Variants in GIT1 observed in about 807,000 individuals in gnomAD.
GIT1 encodes the protein ARF GTPase-activating protein GIT1.
GIT1 carries 14 observed loss-of-function variants against 91.7 expected under a neutral mutation model. The ratio of observed to expected loss-of-function variants is 0.15; its 90% CI spans 0.10 to 0.24. The LOEUF (loss-of-function observed/expected upper bound fraction) is 0.24, where lower values mean the gene tolerates loss of function less well. Among genes scored for constraint, GIT1 ranks in the 10% least tolerant of loss-of-function variants. GIT1 has a pLI of 1.00. For synonymous variants in GIT1, 414 were observed against 418.2 expected (o/e 0.99, Z 0.12); for missense variants, 717 against 1,024.9 (o/e 0.70, Z 4.10).
chr17:29,576,177 C>T, intron 14 of GIT1, 43 bp downstream of exon 14: 1 of 1,608,334 alleles, frequency 6.2e-7, no homozygotes, highest in Non-Finnish European at 8.5e-7. Context: ...CCTGCGGCAG[C>T]CCCACCCATC....
At chr17:29,585,857 C>T (rs2033577313) in intron 1 of GIT1, among the ~76,000 whole-genome samples, 2 of 152,188 alleles carry the variant, frequency 1.3e-5, no homozygotes, top group African/African-American at 4.8e-5. Context: ...TCTGGCTCCA[C>T]CGGCAGGGTA....
At chr17:29,585,799 G>A (rs1314804015) in intron 1 of GIT1, among the ~76,000 whole-genome samples, 25 of 152,174 alleles carry the variant, frequency 1.6e-4, no homozygotes, top group Admixed American at 1.4e-3. Context: ...AACCTGGGAC[G>A]GAAAGGACAG....
At chr17:29,576,472 A>G (rs1567769564) in intron 13 of GIT1, 22 bp from the exon 14 acceptor site, 2 of 1,612,826 alleles carry the variant, frequency 1.2e-6, no homozygotes, top group East Asian at 2.2e-5. Flanking sequence ...AAGTGCTGTC[A>G]ACCCCCTGGA....
chr17:29,588,361 T>A (rs1485101451), intron 1 of GIT1, among the ~76,000 whole-genome samples: 1 of 152,190 alleles, frequency 6.6e-6, no homozygotes, highest in Admixed American at 6.5e-5. Context: ...CTGTCCTCCC[T>A]CATCAGAAGG....
chr17:29,587,197 C>T (rs1021186489), intron 1 of GIT1, among the ~76,000 whole-genome samples: 5 of 152,138 alleles, frequency 3.3e-5, no homozygotes, highest in African/African-American at 1.2e-4. Context: ...TGCCTCTCTG[C>T]CTGAGATGCC....
chr17:29,584,928 TAAAGG>T (rs2033538174), intron 1 of GIT1, among the ~76,000 whole-genome samples: 1 of 148,494 alleles, frequency 6.7e-6, no homozygotes, highest in African/African-American at 2.5e-5. Flanking sequence ...AAACAGGAAG[TAAAGG>T]AGAGAGGCCT....
chr17:29,577,556 A>G, intron 10 of GIT1, 89 bp downstream of exon 10: 1 of 867,866 alleles, frequency 1.2e-6, no homozygotes, highest in Admixed American at 1.8e-5. Flanking sequence ...AATGCTGGAG[A>G]GCTGGCTCAG....
intron 7 of GIT1, among the ~76,000 whole-genome samples, chr17:29,580,259 G>T (rs767481954): frequency 2.0e-5 from 3 of 152,214 alleles, no homozygotes; most frequent in Non-Finnish European, 4.4e-5. Context: ...CCATATTTGG[G>T]TGTATTTACC....
intron 1 of GIT1, among the ~76,000 whole-genome samples, chr17:29,587,154 T>C (rs2033619170): frequency 6.6e-6 from 1 of 152,182 alleles, no homozygotes; most frequent in African/African-American, 2.4e-5. Context: ...GGGCTGGCAC[T>C]GGATCTGGAC....
chr17:29,586,813 T>G (rs2033608993), intron 1 of GIT1, among the ~76,000 whole-genome samples: 1 of 152,144 alleles, frequency 6.6e-6, no homozygotes, highest in Non-Finnish European at 1.5e-5. Flanking sequence ...AAGATGCACA[T>G]TCTCCAGGGC....
rs1358927996 is a variant in GIT1 at position 29,576,518 on chromosome 17, T to G, written c.1380+4A>C. ...TCCCCCTCCCACCGAGGCTGCACCC[T>G]CACCTCTCGCTGCAGCCTCCGGAGC... On this transcript the variant is annotated splice_donor_region_variant and intron_variant, in intron 13 of 19. Coordinates refer to ENST00000225394, the MANE Select transcript of GIT1 (RefSeq NM_014030.4). 1 of 1,613,722 alleles carries G rather than the reference T, an allele frequency of 6.2e-7. No individual in the cohort carries two copies. The highest frequency in any genetic ancestry group is 8.5e-7 in the Non-Finnish European group (1 of 1,179,942).
chr17:29,578,950 G>C, intron 7 of GIT1, 171 bp from the exon 8 acceptor site: 1 of 1,613,516 alleles, frequency 6.2e-7, no homozygotes, highest in Non-Finnish European at 8.5e-7. Context: ...TGCCCCGGCA[G>C]GCACCATATA....
At chr17:29,583,690 T>C in intron 1 of GIT1, 74 bp from the exon 2 acceptor site, 1 of 1,473,274 alleles carries the variant, frequency 6.8e-7, no homozygotes, top group Non-Finnish European at 9.1e-7. Flanking sequence ...CTCTGGCCCG[T>C]GCCAAGCCTA....
chr17:29,588,627 T>C (rs115245629), intron 1 of GIT1, among the ~76,000 whole-genome samples: 410 of 152,250 alleles, frequency 2.7e-3, no homozygotes, highest in African/African-American at 9.7e-3. Context: ...CAAGCAGGCC[T>C]TACCGGTGAA....
intron 1 of GIT1, among the ~76,000 whole-genome samples, chr17:29,585,362 T>C (rs927019591): frequency 3.9e-5 from 6 of 152,054 alleles, no homozygotes; most frequent in African/African-American, 1.4e-4. Context: ...CAGGGCAGGA[T>C]CATAAATGGG....
chr17:29,581,358 G>GT lies in GIT1; in HGVS notation c.740_741insA (p.Ile248HisfsTer6). 1 of 1,612,712 alleles carries GT rather than the reference G, an allele frequency of 6.2e-7. No homozygotes were observed. The highest frequency in any genetic ancestry group is 1.1e-5 in the South Asian group (1 of 91,068). On this transcript the variant is annotated frameshift_variant, in exon 7 of 20. Coordinates refer to ENST00000225394, the MANE Select transcript of GIT1 (RefSeq NM_014030.4). LOFTEE classifies it high-confidence loss of function. The surrounding 1 kb of genome is among the most constrained non-coding windows in gnomAD (Gnocchi z 4.8). ...CTCACCTGTCAGCCATCTGTGGGAT[G>GT]ATGTAATGCCCATTCTTGTGATCTG... is the stretch of plus-strand genomic sequence containing the variant.
At position 29,582,034 on chromosome 17, in the gene GIT1, G is replaced by A. The variant is rs200538739; in HGVS notation, c.516C>T (p.His172=). The A allele has an allele frequency of 3.5e-5, 57 of 1,611,798 alleles. No individual in the cohort carries two copies. In the African/African-American group the frequency reaches 6.5e-4, roughly 18 times the overall value. Residue 172 remains histidine (H), a synonymous_variant, in exon 5 of 20, where the codon CAC becomes CAT. Coordinates refer to ENST00000225394, the MANE Select transcript of GIT1 (RefSeq NM_014030.4). ...GTGTCTGTCCTGCCTTGGCAGCCAC[G>A]TGCAGAGGTGTGGTGCCCTTCTCTG... is the stretch of plus-strand genomic sequence containing the variant. ...FHPEKGTTPL[H]VAAKAGQTLQ... is the part of the protein sequence containing the mutation.
At chr17:29,576,731 AG>A in intron 12 of GIT1, 57 bp from the exon 13 acceptor site, 2 of 1,605,156 alleles carry the variant, frequency 1.2e-6, no homozygotes, top group Non-Finnish European at 1.7e-6. Flanking sequence ...CAACACCCGC[AG>A]GGGGCAGTTA....
chr17:29,578,673 G>A, intron 8 of GIT1, 58 bp downstream of exon 8: 1 of 1,421,500 alleles, frequency 7.0e-7, no homozygotes, highest in Non-Finnish European at 1.0e-6. Flanking sequence ...AGAGCAGAGG[G>A]TGGGGGATCA....
Sources: allele counts gnomAD v4.1 joint callset (sites outside exome capture counted in the v4.1 genomes callset), GRCh38; gene constraint gnomAD v4.1.1; non-coding constraint Gnocchi (gnomAD v3.1); transcripts MANE v1.5; gene names NCBI Gene and HGNC (gene_info 2026-07-23, HGNC 2026-07-21).